KCNQ5: variants seen among roughly 807,000 people sequenced by gnomAD.
KCNQ5 encodes the protein potassium voltage-gated channel subfamily KQT member 5.
In KCNQ5, 30 loss-of-function variants were observed where a neutral mutation model predicts 98.2. The observed-to-expected ratio is 0.31, with a 90% CI of 0.23 to 0.41. The LOEUF is 0.41. KCNQ5 is among the 10% of genes least tolerant of loss of function. The probability of loss-of-function intolerance (pLI) is 1.00; values close to 1 mark genes in which losing one functional copy is unlikely to be tolerated. For missense variants in KCNQ5, 835 were observed against 1,182.5 expected, an observed-to-expected ratio of 0.71 and a Z score of 4.31; for synonymous variants, 458 against 449.4, an observed-to-expected ratio of 1.02 and a Z score of -0.24.
intron 3 of KCNQ5, among the ~76,000 whole-genome samples, chr6:73,067,668 G>A (rs574318110): frequency 2.6e-5 from 4 of 152,134 alleles, no homozygotes; most frequent in South Asian, 2.1e-4. Flanking sequence ...TGAGCATCCC[G>A]CACAGCCTCA....
Position 72,734,556 on chromosome 6 carries a change from G to A in KCNQ5, c.398+111969G>A, listed in dbSNP as rs1001086900. 1.2e-4 allele frequency among the ~76,000 whole-genome samples: 18 copies of A among 152,078 alleles called. 1 individual carries two copies. The highest frequency in any genetic ancestry group is 2.1e-4 in the Non-Finnish European group (14 of 68,020). ...TTTTAAATGTAGCATTGAAGTTATA[G>A]CTGATTTCATTTGATGTTTGAGACT... On this transcript the variant is annotated intron_variant, in intron 1 of 13. Coordinates refer to ENST00000370398, the MANE Select transcript of KCNQ5 (RefSeq NM_019842.4).
intron 1 of KCNQ5, among the ~76,000 whole-genome samples, chr6:72,939,551 T>C (rs991647965): frequency 2.6e-5 from 4 of 152,240 alleles, no homozygotes; most frequent in Admixed American, 1.3e-4. Flanking sequence ...ACCTCTCCAC[T>C]AAGCACCTGC....
intron 1 of KCNQ5, among the ~76,000 whole-genome samples, chr6:72,691,814 G>C (rs1768226182): frequency 6.6e-6 from 1 of 152,150 alleles, no homozygotes; most frequent in South Asian, 2.1e-4. Flanking sequence ...AGTTCTTAGT[G>C]GATTTTGACA....
intron 10 of KCNQ5, among the ~76,000 whole-genome samples, chr6:73,157,119 C>T (rs1364577453): frequency 6.6e-6 from 1 of 152,236 alleles, no homozygotes; most frequent in African/African-American, 2.4e-5. Context: ...CTCACATATA[C>T]ACAAGCGTAA....
chr6:73,080,489 C>T (rs1248187520), intron 5 of KCNQ5, among the ~76,000 whole-genome samples: 1 of 151,982 alleles, frequency 6.6e-6, no homozygotes, highest in African/African-American at 2.4e-5. Flanking sequence ...CTCATTGTTT[C>T]TATTCATTTT....
intron 10 of KCNQ5, chr6:73,157,845 C>T (rs1390003254): frequency 2.6e-6 from 2 of 779,646 alleles, no homozygotes; most frequent in Admixed American, 1.7e-5. Flanking sequence ...ACTCTAGCCT[C>T]ATGATCTGTG....
intron 1 of KCNQ5, among the ~76,000 whole-genome samples, chr6:72,893,783 T>A (rs1396508705): frequency 1.3e-5 from 2 of 152,170 alleles, no homozygotes; most frequent in East Asian, 3.9e-4. Flanking sequence ...AAGCATCTAC[T>A]CTATGCCAGG....
intron 1 of KCNQ5, among the ~76,000 whole-genome samples, chr6:72,938,679 C>T (rs1766070571): frequency 6.6e-6 from 1 of 152,038 alleles, no homozygotes; most frequent in African/African-American, 2.4e-5. Flanking sequence ...GTCACCACGC[C>T]CAGCAAATTG....
intron 2 of KCNQ5, among the ~76,000 whole-genome samples, chr6:73,031,944 C>T (rs1300255756): frequency 6.6e-6 from 1 of 152,136 alleles, no homozygotes; most frequent in Non-Finnish European, 1.5e-5. Context: ...AGACATAACT[C>T]CTCCGTAAGA....
intron 1 of KCNQ5, among the ~76,000 whole-genome samples, chr6:72,779,858 TG>T (rs1773368565): frequency 6.7e-6 from 1 of 149,534 alleles, no homozygotes; most frequent in Non-Finnish European, 1.5e-5. Context: ...TGTGTGTGTG[TG>T]TGTGTGTGTG....
chr6:73,082,630 G>A (rs1773825346), intron 5 of KCNQ5, among the ~76,000 whole-genome samples: 1 of 152,112 alleles, frequency 6.6e-6, no homozygotes, highest in Admixed American at 6.5e-5. Context: ...CGCTCACATG[G>A]GTGTGGGAAA....
chr6:72,993,950 G>T (rs1343688179), intron 1 of KCNQ5, among the ~76,000 whole-genome samples: 7 of 98,254 alleles, frequency 7.1e-5, no homozygotes, highest in Non-Finnish European at 7.6e-5. Context: ...CTGCTGGGGG[G>T]TTCCTCCCAG....
chr6:72,647,457 A>G (rs572749318), intron 1 of KCNQ5, among the ~76,000 whole-genome samples: 2 of 152,200 alleles, frequency 1.3e-5, no homozygotes, highest in African/African-American at 4.8e-5. Flanking sequence ...AAACAAAACA[A>G]AACGAAAAAA....
At chr6:73,171,747 C>A (rs1778024815) in intron 11 of KCNQ5, among the ~76,000 whole-genome samples, 1 of 152,140 alleles carries the variant, frequency 6.6e-6, no homozygotes, top group Admixed American at 6.5e-5. Context: ...AAATTTTTCA[C>A]ATGTTGAGTA....
rs1420468059 is a variant in KCNQ5 at position 73,169,527 on chromosome 6, C to T, written c.1469-219C>T. Among the ~76,000 whole-genome samples the T allele has an allele frequency of 2.6e-5, 4 of 152,108 alleles. 1 individual carries two copies. Among genetic ancestry groups the T allele is most frequent in the South Asian group, 2.1e-4 (1 of 4,830 alleles). ...AATGTGTCGATAGCTTCATCTTGCC[C>T]GTAGAAAACAGTTCAGAAAAGTATT... On this transcript the variant is annotated intron_variant, in intron 10 of 13. Coordinates refer to ENST00000370398, the MANE Select transcript of KCNQ5 (RefSeq NM_019842.4).
In KCNQ5 at chr6:73,047,233, G is replaced by A. The variant is rs572428432; in HGVS notation, c.616+5171G>A. Among the ~76,000 whole-genome samples the A allele has an allele frequency of 7.2e-5, 11 of 152,230 alleles. No homozygotes were observed. In the South Asian group the frequency reaches 2.1e-3, roughly 29 times the overall value. On this transcript the variant is annotated intron_variant, in intron 3 of 13. Transcript: ENST00000370398. ...TTCAAGATCTTTAAAGAAAAGCCAG[G>A]CTTTATAGAACATTAATTGCAGTAT...
At chr6:72,808,410 C>T (rs1400416583) in intron 1 of KCNQ5, among the ~76,000 whole-genome samples, 1 of 152,070 alleles carries the variant, frequency 6.6e-6, no homozygotes. Flanking sequence ...AACCGGAATA[C>T]AAGGAGTTGT....
chr6:72,925,734 A>G (rs1765390552), intron 1 of KCNQ5, among the ~76,000 whole-genome samples: 1 of 152,178 alleles, frequency 6.6e-6, no homozygotes, highest in Admixed American at 6.6e-5. Flanking sequence ...GCAGGAGTGA[A>G]GGATTGTTCT....
At chr6:72,665,451 T>G (rs937743926) in intron 1 of KCNQ5, among the ~76,000 whole-genome samples, 1 of 152,068 alleles carries the variant, frequency 6.6e-6, no homozygotes, top group East Asian at 1.9e-4. Context: ...TCTATTGTCA[T>G]CATTTAAATC....
Sources: gnomAD v4.1 joint callset for allele counts (sites outside exome capture counted in the v4.1 genomes callset) on GRCh38, gnomAD v4.1.1 for gene constraint, MANE v1.5 for transcripts, NCBI Gene and HGNC (gene_info 2026-07-23, HGNC 2026-07-21) for gene names.